HDAC9: variants seen among roughly 807,000 people sequenced by gnomAD.
HDAC9 encodes histone deacetylase 9.
In HDAC9, 41 loss-of-function variants were observed where a neutral mutation model predicts 139.4. The observed-to-expected ratio is 0.29, with a 90% confidence interval of 0.23 to 0.38. The LOEUF (loss-of-function observed/expected upper bound fraction) is 0.38. Among genes scored for constraint, HDAC9 ranks in the 10% least tolerant of loss-of-function variants. The pLI is 1.00. For synonymous variants in HDAC9, 517 were observed against 476.2 expected (o/e 1.09, Z -1.12); for missense variants, 1,147 against 1,297.0 (o/e 0.88, Z 1.78).
chr7:18,474,600 A>T (rs1449495458), intron 1 of HDAC9, among the ~76,000 whole-genome samples: 2 of 152,212 alleles, frequency 1.3e-5, no homozygotes, highest in Admixed American at 6.5e-5. Flanking sequence ...ATGTTCTCAG[A>T]GCATTTAAAG....
chr7:18,154,984 A>C lies in HDAC9; in HGVS notation c.-96-7245A>C, dbSNP rs193169457. Among the ~76,000 whole-genome samples the C allele has an allele frequency of 3.6e-3, 547 of 152,276 alleles. 6 individuals carry two copies. The highest frequency in any genetic ancestry group is 0.013 in the African/African-American group (524 of 41,558). On this transcript the variant is annotated intron_variant, in intron 1 of 12. Coordinates refer to the HDAC9 transcript ENST00000417496. Reference sequence around the variant, plus strand: ...GCACAGGTATCAGAGGTTGTCTGTTACAAGTTCCTTCACTTCGACTATTAC... The same window carrying C: ...GCACAGGTATCAGAGGTTGTCTGTTCCAAGTTCCTTCACTTCGACTATTAC...
chr7:18,308,004 A>G (rs1799044805), intron 1 of HDAC9, among the ~76,000 whole-genome samples: 1 of 152,230 alleles, frequency 6.6e-6, no homozygotes, highest in African/African-American at 2.4e-5. Context: ...AAGCTTTTCA[A>G]AAAGTTCTAG....
At chr7:18,646,240 G>C (rs1353283848) in intron 9 of HDAC9, among the ~76,000 whole-genome samples, 1 of 151,706 alleles carries the variant, frequency 6.6e-6, no homozygotes, top group Admixed American at 6.6e-5. Flanking sequence ...ACTTATTTTT[G>C]TATGTTCTAA....
intron 1 of HDAC9, chr7:18,429,360 A>C (rs557502800): frequency 1.3e-5 from 2 of 152,154 alleles, no homozygotes; most frequent in African/African-American, 4.8e-5. Flanking sequence ...CCCCACTGCC[A>C]CCTTTCTACA....
chr7:18,885,074 T>C (rs10268296), intron 22 of HDAC9, among the ~76,000 whole-genome samples: 5,019 of 152,302 alleles, frequency 0.033, 170 homozygotes, highest in African/African-American at 0.088. Flanking sequence ...ACGTTGGGAA[T>C]TACAATTTAA....
Position 18,359,759 on chromosome 7 carries a change from C to A in HDAC9, c.-42+69244C>A, listed in dbSNP as rs1182347950. On this transcript the variant is annotated intron_variant, in intron 1 of 3. Coordinates refer to the HDAC9 transcript ENST00000413509. ...GAGTAGCTGGGACCACAGGCACGCACCACCGTGCCCAGCTAACTTTTGTAT... is the reference window on the plus strand; with the variant it reads ...GAGTAGCTGGGACCACAGGCACGCAACACCGTGCCCAGCTAACTTTTGTAT... 2.6e-5 allele frequency among the ~76,000 whole-genome samples: 4 copies of A among 152,268 alleles called. No homozygotes were observed. In the South Asian group the frequency reaches 8.3e-4, roughly 32 times the overall value.
intron 2 of HDAC9, among the ~76,000 whole-genome samples, chr7:18,574,402 G>A (rs117302965): frequency 0.011 from 1,687 of 152,320 alleles, 13 homozygotes; most frequent in Middle Eastern, 0.068. Context: ...TTCAGAGGAG[G>A]GGAAGTATGT....
intron 17 of HDAC9, among the ~76,000 whole-genome samples, chr7:18,822,098 C>T (rs1025961851): frequency 5.3e-5 from 8 of 152,172 alleles, no homozygotes; most frequent in African/African-American, 1.9e-4. Flanking sequence ...GGTTCCATCA[C>T]ATGGGCAAGA....
At chr7:18,427,710 T>TG (rs896822473) in intron 1 of HDAC9, among the ~76,000 whole-genome samples, 1 of 151,646 alleles carries the variant, frequency 6.6e-6, no homozygotes, top group African/African-American at 2.4e-5. Context: ...CTTTTTTTTT[T>TG]TTTAAATATT....
At chr7:18,623,339 A>G (rs910868688) in intron 6 of HDAC9, among the ~76,000 whole-genome samples, 2 of 152,172 alleles carry the variant, frequency 1.3e-5, no homozygotes, top group East Asian at 3.8e-4. Context: ...CAAAGTTCAG[A>G]AAAGGGCTAT....
At chr7:18,412,780 T>C (rs372874636) in intron 1 of HDAC9, among the ~76,000 whole-genome samples, 9 of 152,294 alleles carry the variant, frequency 5.9e-5, no homozygotes, top group African/African-American at 2.2e-4. Context: ...GTAAAAATTA[T>C]GTAAAAATTA....
At chr7:18,696,953 T>C (rs900803947) in intron 12 of HDAC9, among the ~76,000 whole-genome samples, 1 of 152,024 alleles carries the variant, frequency 6.6e-6, no homozygotes, top group Non-Finnish European at 1.5e-5. Flanking sequence ...TGCAAAGATA[T>C]CTGTTGGAGG....
chr7:18,109,311 G>T (rs1398648286), intron 1 of HDAC9, among the ~76,000 whole-genome samples: 1 of 152,170 alleles, frequency 6.6e-6, no homozygotes, highest in African/African-American at 2.4e-5. Context: ...TTGTTGTAAG[G>T]ATATCTTGTA....
intron 22 of HDAC9, among the ~76,000 whole-genome samples, chr7:18,907,422 AAG>A (rs1406643199): frequency 1.3e-5 from 2 of 152,358 alleles, no homozygotes; most frequent in Non-Finnish European, 2.9e-5. Context: ...TGACTTTTTA[AAG>A]AGGGGCACAT....
chr7:18,466,710 C>T (rs1302452117), intron 1 of HDAC9, among the ~76,000 whole-genome samples: 1 of 152,210 alleles, frequency 6.6e-6, no homozygotes, highest in Non-Finnish European at 1.5e-5. Context: ...TTAATTCCAT[C>T]TGCAATCTTA....
chr7:18,395,684 C>T lies in HDAC9; in HGVS notation c.-41-100578C>T, dbSNP rs187971921. Among the ~76,000 whole-genome samples the T allele has an allele frequency of 1.6e-4, 25 of 152,106 alleles. No individual in the cohort carries two copies. In the East Asian group the frequency reaches 4.8e-3, roughly 29 times the overall value. On this transcript the variant is annotated intron_variant, in intron 1 of 3. Transcript: ENST00000413509. The stretch of plus-strand genomic sequence containing the variant: ...CACAACAAAGATACATTTTATGTAT[C>T]GGAAACTTGACATTGCCAAGACATA...
intron 2 of HDAC9, among the ~76,000 whole-genome samples, chr7:18,242,730 A>G (rs1229339219): frequency 6.6e-6 from 1 of 152,054 alleles, no homozygotes; most frequent in Non-Finnish European, 1.5e-5. Context: ...TTTTTCTACT[A>G]TATCTCCACT....
chr7:18,862,724 GA>G (rs1299046260), intron 21 of HDAC9, among the ~76,000 whole-genome samples: 1 of 151,810 alleles, frequency 6.6e-6, no homozygotes, highest in Non-Finnish European at 1.5e-5. Flanking sequence ...TAAAAATACA[GA>G]AAAAAACCTA....
At position 18,620,470 on chromosome 7, in the gene HDAC9, T is replaced by C. The variant is rs1223898640; in HGVS notation, c.665-8880T>C. 3.9e-5 allele frequency among the ~76,000 whole-genome samples: 6 copies of C among 151,934 alleles called. No homozygotes were observed. The East Asian group carries it at 1.2e-3, about 29-fold the overall frequency. ...GTATTAAAAAAACAGTAATGAGTAG[T>C]ACTAAAAGTAGTACTAAAAACCAGT... On this transcript the variant is annotated intron_variant, in intron 6 of 25. Coordinates refer to ENST00000686413, the MANE Select transcript of HDAC9 (RefSeq NM_178425.4).
Sources: allele counts gnomAD v4.1 joint callset (sites outside exome capture counted in the v4.1 genomes callset), GRCh38; gene constraint gnomAD v4.1.1; transcripts MANE v1.5; gene names NCBI Gene and HGNC (gene_info 2026-07-23, HGNC 2026-07-21).